Variants in ASTN2 observed in about 807,000 individuals in gnomAD.
ASTN2 encodes astrotactin-2.
ASTN2 carries 54 observed loss-of-function variants against 139.8 expected under a neutral mutation model. The ratio of observed to expected loss-of-function variants is 0.39; its 90% CI spans 0.31 to 0.48. The LOEUF is 0.48. ASTN2 is among the 20% of genes least tolerant of loss of function. The probability of loss-of-function intolerance (pLI) is 0.95; values close to 1 mark genes in which losing one functional copy is unlikely to be tolerated. For synonymous variants in ASTN2, 756 were observed against 719.5 expected (o/e 1.05, Z -0.81); for missense variants, 1,565 against 1,725.1 (o/e 0.91, Z 1.64).
intron 20 of ASTN2, among the ~76,000 whole-genome samples, chr9:116,445,202 C>T (rs1847950628): frequency 6.6e-6 from 1 of 152,148 alleles, no homozygotes; most frequent in African/African-American, 2.4e-5. Context: ...TACCACCTCT[C>T]ATTTCTTTAG....
At chr9:116,899,221 G>A (rs1367334588) in intron 10 of ASTN2, among the ~76,000 whole-genome samples, 1 of 152,148 alleles carries the variant, frequency 6.6e-6, no homozygotes, top group African/African-American at 2.4e-5. Flanking sequence ...TCTTATCAAA[G>A]TCAAAGGGAC....
chr9:116,890,985 C>A (rs1238402243), intron 10 of ASTN2, among the ~76,000 whole-genome samples: 1 of 152,158 alleles, frequency 6.6e-6, no homozygotes, highest in Non-Finnish European at 1.5e-5. Flanking sequence ...GGCTTCACAT[C>A]AACAAGGCAA....
chr9:117,199,007 C>T (rs960169990), intron 3 of ASTN2, among the ~76,000 whole-genome samples: 7 of 151,788 alleles, frequency 4.6e-5, no homozygotes, highest in Admixed American at 2.0e-4. Flanking sequence ...ATATGTTTAA[C>T]TTCCTTGTAA....
chr9:117,214,167 T>A (rs1203968535), intron 3 of ASTN2, among the ~76,000 whole-genome samples, 191 bp downstream of exon 3: 1 of 152,166 alleles, frequency 6.6e-6, no homozygotes, highest in Admixed American at 6.5e-5. Context: ...CTGACACTCT[T>A]TTATTCTCTC....
intron 19 of ASTN2, among the ~76,000 whole-genome samples, chr9:116,601,493 G>A (rs1854896777): frequency 6.6e-6 from 1 of 152,104 alleles, no homozygotes; most frequent in Non-Finnish European, 1.5e-5. Context: ...GCTAATGTGA[G>A]GACTATTTAA....
At chr9:117,368,096 G>A (rs1036375177) in intron 1 of ASTN2, among the ~76,000 whole-genome samples, 8 of 152,064 alleles carry the variant, frequency 5.3e-5, no homozygotes, top group African/African-American at 1.7e-4. Flanking sequence ...CTAACGATCC[G>A]CAAGTCAGCA....
chr9:117,142,489 A>C (rs1033502599), intron 3 of ASTN2, among the ~76,000 whole-genome samples: 1 of 152,176 alleles, frequency 6.6e-6, no homozygotes, highest in East Asian at 1.9e-4. Flanking sequence ...AAGCCCCAAA[A>C]CACAATATAT....
In ASTN2 at chr9:116,699,256, T is replaced by C. The variant is rs774822384; in HGVS notation, c.2806+26515A>G. ...ACAGTTGATCGAGGATCAGGGGTGG[T>C]CAAATACAGCTGCCTATGTAGTGCT... is the stretch of plus-strand genomic sequence containing the variant. On this transcript the variant is annotated intron_variant, in intron 16 of 22. Coordinates refer to ENST00000313400, the MANE Select transcript of ASTN2 (RefSeq NM_001365068.1). This position sits in a 1 kb window ranked among gnomAD's most constrained non-coding sequence, Gnocchi z 4.2. The C allele has an allele frequency of 6.2e-7, 1 of 1,614,174 alleles. No individual in the cohort carries two copies. The highest frequency in any genetic ancestry group is 2.2e-5 in the East Asian group (1 of 44,874).
intron 17 of ASTN2, among the ~76,000 whole-genome samples, chr9:116,636,868 T>C (rs1857100629): frequency 6.6e-6 from 1 of 152,166 alleles, no homozygotes; most frequent in African/African-American, 2.4e-5. Context: ...GGGAGGTTAT[T>C]AAGTCATGAG....
chr9:116,490,085 G>A (rs1057037878), intron 19 of ASTN2, among the ~76,000 whole-genome samples: 1 of 151,836 alleles, frequency 6.6e-6, no homozygotes, highest in African/African-American at 2.4e-5. Context: ...AAACAAAGAT[G>A]CCTAGAACCA....
At chr9:117,324,656 G>T (rs1828453421) in intron 1 of ASTN2, among the ~76,000 whole-genome samples, 1 of 152,076 alleles carries the variant, frequency 6.6e-6, no homozygotes, top group Non-Finnish European at 1.5e-5. Context: ...ACCATATCAT[G>T]GATCCTTCAA....
At chr9:116,769,405 C>T (rs1392526047) in intron 13 of ASTN2, among the ~76,000 whole-genome samples, 2 of 152,020 alleles carry the variant, frequency 1.3e-5, no homozygotes, top group Non-Finnish European at 2.9e-5. Flanking sequence ...AAGTGGAGAC[C>T]ATTTGCATAG....
intron 19 of ASTN2, among the ~76,000 whole-genome samples, chr9:116,606,150 T>C (rs1308696135): frequency 1.3e-5 from 2 of 152,136 alleles, no homozygotes; most frequent in Non-Finnish European, 2.9e-5. Context: ...GATGACAGAT[T>C]AGCGTGCGGG....
intron 10 of ASTN2, among the ~76,000 whole-genome samples, chr9:116,969,070 G>T (rs1411026576): frequency 6.6e-6 from 1 of 152,148 alleles, no homozygotes; most frequent in Non-Finnish European, 1.5e-5. Flanking sequence ...CAATCCAGGG[G>T]TTAAGGTGCT....
chr9:116,840,674 A>G (rs1437116937), intron 11 of ASTN2, among the ~76,000 whole-genome samples: 22 of 78,734 alleles, frequency 2.8e-4, no homozygotes, highest in Admixed American at 1.1e-3. Context: ...GGCGGTTGCC[A>G]GGCAGAGGGT....
chr9:116,426,185 C>T, intron 22 of ASTN2, 97 bp from the exon 23 acceptor site: 1 of 1,452,652 alleles, frequency 6.9e-7, no homozygotes, highest in African/African-American at 1.4e-5. Context: ...GTAACTTCTC[C>T]CAACCATTTC....
chr9:116,738,572 T>C (rs1396598800), intron 13 of ASTN2, among the ~76,000 whole-genome samples: 1 of 152,042 alleles, frequency 6.6e-6, no homozygotes, highest in Non-Finnish European at 1.5e-5. Context: ...AGAACTTATC[T>C]ATCTAATCAA....
intron 3 of ASTN2, among the ~76,000 whole-genome samples, chr9:117,205,123 G>A (rs958362320): frequency 2.0e-5 from 3 of 152,178 alleles, no homozygotes; most frequent in Admixed American, 1.3e-4. Flanking sequence ...CAAACAAATG[G>A]GGGTAGTGAC....
intron 16 of ASTN2, chr9:116,687,026 CTG>C: frequency 1.5e-6 from 2 of 1,379,214 alleles, no homozygotes; most frequent in Non-Finnish European, 1.9e-6. Flanking sequence ...GACATTGAGA[CTG>C]GAGTCAGATA....
Sources: allele counts gnomAD v4.1 joint callset (sites outside exome capture counted in the v4.1 genomes callset), GRCh38; gene constraint gnomAD v4.1.1; non-coding constraint Gnocchi (gnomAD v3.1); transcripts MANE v1.5; gene names NCBI Gene and HGNC (gene_info 2026-07-23, HGNC 2026-07-21).